The following CACNA1C variants were observed in gnomAD, a reference collection of about 807,000 sequenced individuals.
CACNA1C encodes calcium voltage-gated channel subunit alpha1 C.
Under a neutral mutation model 229.0 loss-of-function variants are expected in CACNA1C, and 30 were observed. The ratio of observed to expected loss-of-function variants is 0.13; its 90% confidence interval spans 0.10 to 0.18. The LOEUF (loss-of-function observed/expected upper bound fraction) is 0.18, where lower values mean the gene tolerates loss of function less well. CACNA1C is among the 10% of genes least tolerant of loss of function. The pLI is 1.00. For missense variants in CACNA1C, 1,658 were observed against 2,845.0 expected, an observed-to-expected ratio of 0.58 and a Z score of 9.49; for synonymous variants, 1,114 against 1,132.5, an observed-to-expected ratio of 0.98 and a Z score of 0.33.
At chr12:2,645,837 A>G (rs1358470454) in intron 30 of CACNA1C, among the ~76,000 whole-genome samples, 1 of 152,226 alleles carries the variant, frequency 6.6e-6, no homozygotes, top group African/African-American at 2.4e-5. Context: ...TAGCTACTCA[A>G]AAATGCCCTG....
chr12:2,308,489 A>G (rs1203484814), intron 3 of CACNA1C, among the ~76,000 whole-genome samples: 2 of 152,090 alleles, frequency 1.3e-5, no homozygotes, highest in Non-Finnish European at 2.9e-5. Context: ...AGATTAGTTA[A>G]CCATATATGC....
In CACNA1C at chr12:2,285,104, G is replaced by A. The variant is rs1249118392; in HGVS notation, c.478-163872G>A. Among the ~76,000 whole-genome samples, 1 of 152,178 alleles carries A rather than the reference G, an allele frequency of 6.6e-6. No homozygotes were observed. The highest frequency in any genetic ancestry group is 1.5e-5 in the Non-Finnish European group (1 of 68,046). ...AGGGACGGGCCGCTAAGTGCTGACG[G>A]CAGCCTGTCACTCACACCTTGCTCC... On this transcript the variant is annotated intron_variant, in intron 3 of 46. Coordinates refer to ENST00000399655, the MANE Select transcript of CACNA1C (RefSeq NM_000719.7). This position sits in a 1 kb window ranked among gnomAD's most constrained non-coding sequence, Gnocchi z 4.2.
chr12:2,103,432 T>G (rs2077124847), intron 1 of CACNA1C, among the ~76,000 whole-genome samples: 1 of 152,172 alleles, frequency 6.6e-6, no homozygotes, highest in South Asian at 2.1e-4. Flanking sequence ...GGGATTTTTT[T>G]TTCTTGTAAA....
At chr12:2,339,342 G>A (rs2096792150) in intron 3 of CACNA1C, among the ~76,000 whole-genome samples, 1 of 152,260 alleles carries the variant, frequency 6.6e-6, no homozygotes. Context: ...TTGCAGGACT[G>A]GAAGTTGCTC....
chr12:2,402,307 C>T (rs979643739), intron 3 of CACNA1C, among the ~76,000 whole-genome samples: 5 of 152,224 alleles, frequency 3.3e-5, no homozygotes, highest in South Asian at 4.1e-4. Context: ...ATGAGTTGAG[C>T]GCCACGTGCA....
At chr12:2,534,268 A>G (rs1242561377) in intron 9 of CACNA1C, among the ~76,000 whole-genome samples, 1 of 152,184 alleles carries the variant, frequency 6.6e-6, no homozygotes, top group Non-Finnish European at 1.5e-5. Flanking sequence ...GACTGAGTGC[A>G]TGGATCAGAG....
intron 3 of CACNA1C, among the ~76,000 whole-genome samples, chr12:2,148,215 T>C (rs2094900411): frequency 6.6e-6 from 1 of 151,294 alleles, no homozygotes; most frequent in Non-Finnish European, 1.5e-5. Context: ...AAATCTCTTA[T>C]GAACTAAACT....
Position 2,597,403 on chromosome 12 carries a change from C to A in CACNA1C, c.2853+114C>A. ...TTCCTGTTGGTGTGGGGTTCACTCTCAGAGCCACTAATCCAATTATGCTTA... is the reference window on the plus strand; with the variant it reads ...TTCCTGTTGGTGTGGGGTTCACTCTAAGAGCCACTAATCCAATTATGCTTA... On this transcript the variant is annotated intron_variant, in intron 21 of 46. Coordinates refer to ENST00000399655, the MANE Select transcript of CACNA1C (RefSeq NM_000719.7). This position sits in a 1 kb window ranked among gnomAD's most constrained non-coding sequence, Gnocchi z 4.3. 6.4e-7 allele frequency: 1 copy of A among 1,568,900 alleles called. No homozygotes were observed. Among genetic ancestry groups the A allele is most frequent in the Non-Finnish European group, 8.8e-7 (1 of 1,139,000 alleles).
intron 3 of CACNA1C, among the ~76,000 whole-genome samples, chr12:2,314,480 C>T (rs1592521114): frequency 6.6e-6 from 1 of 152,242 alleles, no homozygotes; most frequent in Non-Finnish European, 1.5e-5. Flanking sequence ...ACGTTACTCA[C>T]ACCTCTCGTG....
At chr12:2,375,202 G>A (rs949496901) in intron 3 of CACNA1C, among the ~76,000 whole-genome samples, 5 of 152,190 alleles carry the variant, frequency 3.3e-5, no homozygotes, top group African/African-American at 7.2e-5. Context: ...TGTGCTGAGC[G>A]GCTGCCAAGG....
Position 2,067,132 on chromosome 12 carries a change from G to C in CACNA1C, c.49+13521G>C, listed in dbSNP as rs563304852. 2.0e-5 allele frequency among the ~76,000 whole-genome samples: 3 copies of C among 152,224 alleles called. No individual in the cohort carries two copies. In the East Asian group the frequency reaches 5.8e-4, roughly 29 times the overall value. ...GTGAGACAGCTGCTGACTAGGTCTG[G>C]GGGCAAAGGGTTCTAGCTCTGTAGG... On this transcript the variant is annotated intron_variant, in intron 1 of 46. Transcript: ENST00000399655. The surrounding 1 kb of genome is among the most constrained non-coding windows in gnomAD (Gnocchi z 5.3).
intron 3 of CACNA1C, among the ~76,000 whole-genome samples, chr12:2,310,710 G>C (rs966266415): frequency 6.6e-6 from 1 of 152,148 alleles, no homozygotes; most frequent in Non-Finnish European, 1.5e-5. Context: ...CGACTCACAG[G>C]GTTCTTTCAT....
intron 3 of CACNA1C, among the ~76,000 whole-genome samples, chr12:2,419,036 G>A (rs953753621): frequency 6.6e-6 from 1 of 152,198 alleles, no homozygotes; most frequent in Non-Finnish European, 1.5e-5. Context: ...AAAGGATGGG[G>A]TGTTCATTTT....
rs1311162264 is a variant in CACNA1C, at chr12:2,340,482, C to T, written c.478-108494C>T. 2.6e-5 allele frequency among the ~76,000 whole-genome samples: 4 copies of T among 152,326 alleles called. No individual in the cohort carries two copies. The East Asian group carries it at 7.7e-4, about 29-fold the overall frequency. On this transcript the variant is annotated intron_variant, in intron 3 of 46. Transcript: ENST00000399655. ...AATGCTTTCTGAACCCACAATTACT[C>T]TTCTAAAACACAACCCAAGTGCCAC...
intron 45 of CACNA1C, 24 bp from the exon 46 acceptor site, chr12:2,688,423 C>G: frequency 6.2e-7 from 1 of 1,611,904 alleles, no homozygotes; most frequent in South Asian, 1.1e-5. Flanking sequence ...CTCCTATTAA[C>G]TCACACTCCT....
At chr12:1,997,096 A>G (rs2041115700) in intron 1 of CACNA1C, among the ~76,000 whole-genome samples, 1 of 148,038 alleles carries the variant, frequency 6.8e-6, no homozygotes, top group African/African-American at 2.4e-5. Flanking sequence ...TTTGATATTA[A>G]TATCTGATAA....
At chr12:2,589,619 A>G (rs1166634590) in intron 18 of CACNA1C, among the ~76,000 whole-genome samples, 12 of 145,120 alleles carry the variant, frequency 8.3e-5, no homozygotes. Flanking sequence ...GGTCTGATCC[A>G]GTGCCCTAGA....
chr12:2,598,108 CG>C (rs2069457312), intron 21 of CACNA1C, among the ~76,000 whole-genome samples: 2 of 152,192 alleles, frequency 1.3e-5, no homozygotes. Context: ...AGACTACTGC[CG>C]ACCCTCAGTC....
chr12:2,582,914 C>T lies in CACNA1C; in HGVS notation c.2196C>T (p.Tyr732=). 1 of 1,590,078 alleles carries T rather than the reference C, an allele frequency of 6.3e-7. No individual in the cohort carries two copies. The highest frequency in any genetic ancestry group is 1.3e-5 in the African/African-American group (1 of 74,678). The change falls in exon 15 of 47, where the codon TAC becomes TAT. Residue 732 remains tyrosine, a synonymous_variant. Coordinates refer to ENST00000399655, the MANE Select transcript of CACNA1C (RefSeq NM_000719.7). ...PSFPGMLVCI[Y]FIILFICGNY... is the part of the protein sequence containing the mutation. ...TTCCAGGGATGTTAGTCTGTATTTA[C>T]TTCATCATCCTCTTCATCTGTGGAA...
Sources: allele counts gnomAD v4.1 joint callset (sites outside exome capture counted in the v4.1 genomes callset), GRCh38; gene constraint gnomAD v4.1.1; non-coding constraint Gnocchi (gnomAD v3.1); transcripts MANE v1.5; gene names NCBI Gene and HGNC (gene_info 2026-07-23, HGNC 2026-07-21).